Variants in TLR1 observed in about 807,000 individuals in gnomAD.
TLR1 encodes toll like receptor 1.
Under a neutral mutation model 20.2 loss-of-function variants are expected in TLR1, and 19 were observed. That is an observed-to-expected ratio of 0.94 (90% confidence interval 0.66 to 1.38). TLR1 has a LOEUF of 1.38. Ranked by LOEUF, TLR1 falls within the 40% of genes most tolerant of loss-of-function variation. The probability of loss-of-function intolerance (pLI) is 0.00; values close to 1 mark genes in which losing one functional copy is unlikely to be tolerated. For synonymous variants in TLR1, 320 were observed against 334.5 expected, an observed-to-expected ratio of 0.96 and a Z score of 0.47; for missense variants, 921 against 910.0, an observed-to-expected ratio of 1.01 and a Z score of -0.16.
rs755514578 is a variant in TLR1 at position 38,796,543 on chromosome 4, G to T, written c.2289C>A (p.Ser763Arg). ...RTYLEWPKEK[S>R]KRGLFWANLR... is the part of the protein sequence containing the mutation. ...AGTTAGCCCAAAAAAGGCCACGTTT[G>T]CTCTTTTCCTTGGGCCATTCCAAAT... Residue 763 changes from serine to arginine, a missense_variant, in exon 4 of 4, where the codon AGC becomes AGA. By Grantham distance (110) the Ser-to-Arg change is moderately radical. Transcript: ENST00000308979. The T allele has an allele frequency of 5.0e-6, 8 of 1,614,046 alleles. No homozygotes were observed. The highest frequency in any genetic ancestry group is 6.8e-6 in the Non-Finnish European group (8 of 1,180,036).
downstream of TLR1, among the ~76,000 whole-genome samples, chr4:38,793,708 T>C (rs1214550712): frequency 6.6e-6 from 1 of 152,168 alleles, no homozygotes; most frequent in Non-Finnish European, 1.5e-5. Flanking sequence ...GAATTCTTTT[T>C]CGGATTTACA....
At position 38,801,849 on chromosome 4, in the gene TLR1, C is replaced by A. The variant is rs190184314; in HGVS notation, c.-159-901G>T. Among the ~76,000 whole-genome samples the A allele has an allele frequency of 7.1e-3, 1,088 of 152,264 alleles. 8 individuals are homozygous for A. Among genetic ancestry groups the A allele is most frequent in the Non-Finnish European group, 0.011 (740 of 68,018 alleles). ...AGACATGAGCAGGACAGGAGAGGGG[C>A]CCCCCAACCAGGAATATCAGGTGAC... On this transcript the variant is annotated intron_variant, in intron 2 of 3. Transcript: ENST00000308979.
chr4:38,804,887 C>T (rs1336812681), upstream of TLR1: 4 of 152,146 alleles, frequency 2.6e-5, no homozygotes, highest in African/African-American at 7.2e-5. Flanking sequence ...TGCCACCTAC[C>T]GAATTCCACT....
downstream of TLR1, chr4:38,794,426 A>G (rs1426560524): frequency 6.6e-6 from 1 of 152,142 alleles, no homozygotes; most frequent in East Asian, 1.9e-4. Context: ...ATCCTTGACA[A>G]TATAGTCTTA....
chr4:38,797,638 C>T lies in TLR1; in HGVS notation c.1194G>A (p.Lys398=), dbSNP rs1408177283. Residue 398 remains lysine (K), a synonymous_variant, in exon 4 of 4, where the codon AAG becomes AAA. Coordinates refer to ENST00000308979, the MANE Select transcript of TLR1 (RefSeq NM_003263.4). ...SKIAEMTTQM[K]SLQQLDISQN... is the part of the protein sequence containing the mutation. ...GGCTAATATCCAATTGTTGCAGAGA[C>T]TTCATCTGTGTAGTCATTTCAGCTA... is the stretch of plus-strand genomic sequence containing the variant. 1 of 1,613,896 alleles carries T rather than the reference C, an allele frequency of 6.2e-7. No homozygotes were observed. The highest frequency in any genetic ancestry group is 8.5e-7 in the Non-Finnish European group (1 of 1,180,000).
chr4:38,802,448 A>G (rs548509265), intron 2 of TLR1, among the ~76,000 whole-genome samples: 1 of 152,346 alleles, frequency 6.6e-6, no homozygotes, highest in African/African-American at 2.4e-5. Context: ...AATGTCTCCA[A>G]TGAGCATGTA....
At position 38,796,493 on chromosome 4, in the gene TLR1, A is replaced by G. The variant is rs151285692; in HGVS notation, c.2339T>C (p.Leu780Pro). Reference protein sequence around the residue: ...ANLRAAINIKLTEQAKK With the variant: ...ANLRAAINIKPTEQAKK ...AATCTATTTCTTTGCTTGCTCTGTC[A>G]GCTTAATATTAATGGCTGCCCTTAA... The change falls in exon 4 of 4, where the codon CTG (leucine) becomes CCG (proline). Residue 780 changes from leucine (L) to proline (P), a missense_variant. By Grantham distance (98) the Leu-to-Pro change is moderately conservative. Coordinates refer to ENST00000308979, the MANE Select transcript of TLR1 (RefSeq NM_003263.4). 14 of 1,607,064 alleles carry G rather than the reference A, an allele frequency of 8.7e-6. No individual in the cohort carries two copies. Among genetic ancestry groups the G allele is most frequent in the Non-Finnish European group, 1.1e-5 (13 of 1,174,254 alleles).
rs1344236654 is a variant in TLR1, at chr4:38,796,770, C to T, written c.2062G>A (p.Glu688Lys). ...SIVENIITCI[E>K]KSYKSIFVLS... The stretch of plus-strand genomic sequence containing the variant: ...ACAAAGATGGACTTGTAACTCTTCT[C>T]AATGCAGGTGATGATATTTTCCACA... Residue 688 changes from glutamate to lysine, a missense_variant, in exon 4 of 4, where the codon GAG becomes AAG. Transcript: ENST00000308979. 6.2e-7 allele frequency: 1 copy of T among 1,614,220 alleles called. No homozygotes were observed.
Position 38,797,216 on chromosome 4 carries a change from A to G in TLR1, c.1616T>C (p.Ile539Thr), listed in dbSNP as rs1397899270. 1.2e-6 allele frequency: 2 copies of G among 1,614,248 alleles called. No homozygotes were observed. The highest frequency in any genetic ancestry group is 3.3e-5 in the Admixed American group (2 of 60,024). Reference protein sequence around the residue: ...TCELGEFVKNIDQVSSEVLEG... With the variant: ...TCELGEFVKNTDQVSSEVLEG... Reference sequence around the variant, plus strand: ...TAACACTTCACTTGATACTTGGTCTATATTTTTGACAAATTCTCCTAGCTC... The same window carrying G: ...TAACACTTCACTTGATACTTGGTCTGTATTTTTGACAAATTCTCCTAGCTC... Residue 539 changes from isoleucine (I) to threonine (T), a missense_variant, in exon 4 of 4, where the codon ATA becomes ACA. Coordinates refer to ENST00000308979, the MANE Select transcript of TLR1 (RefSeq NM_003263.4).
intron 2 of TLR1, among the ~76,000 whole-genome samples, chr4:38,802,526 A>G (rs1294429569): frequency 6.6e-6 from 1 of 152,242 alleles, no homozygotes; most frequent in African/African-American, 2.4e-5. Context: ...GCACATGCAG[A>G]CAGCCCACCC....
downstream of TLR1, chr4:38,796,191 G>C (rs1280278257): frequency 2.6e-5 from 10 of 391,750 alleles, no homozygotes; most frequent in East Asian, 4.1e-4. Flanking sequence ...AAGAAAAACA[G>C]GTGCTTCCCT....
chr4:38,792,595 T>A (rs187890903), downstream of TLR1, among the ~76,000 whole-genome samples: 29 of 152,174 alleles, frequency 1.9e-4, no homozygotes, highest in African/African-American at 2.6e-4. Flanking sequence ...TACATTTTTT[T>A]AAAAATTGTA....
In TLR1 at chr4:38,796,635, G is replaced by A; in HGVS notation, c.2197C>T (p.Pro733Ser). Residue 733 changes from proline (P) to serine (S), a missense_variant, in exon 4 of 4, where the codon CCC becomes TCC. Coordinates refer to ENST00000308979, the MANE Select transcript of TLR1 (RefSeq NM_003263.4). ...CTAGGAATGGAGTACTGCGGAATGGGTTCCAGCAAGATCAGGATTAAGCTA... is the reference window on the plus strand; with the variant it reads ...CTAGGAATGGAGTACTGCGGAATGGATTCCAGCAAGATCAGGATTAAGCTA... ...SNSLILILLE[P>S]IPQYSIPSSY... The A allele has an allele frequency of 6.2e-7, 1 of 1,614,184 alleles. No individual in the cohort carries two copies. The highest frequency in any genetic ancestry group is 8.5e-7 in the Non-Finnish European group (1 of 1,180,040).
chr4:38,797,744 G>A lies in TLR1; in HGVS notation c.1088C>T (p.Thr363Met), dbSNP rs184548723. 5.8e-5 allele frequency: 93 copies of A among 1,613,952 alleles called. No homozygotes were observed. Among genetic ancestry groups the A allele is most frequent in the Middle Eastern group, 1.6e-4 (1 of 6,062 alleles). Reference protein sequence around the residue: ...LDFSNNLLTDTVFENCGHLTE... With the variant: ...LDFSNNLLTDMVFENCGHLTE... The stretch of plus-strand genomic sequence containing the variant: ...AAGGTGCCCACAATTTTCAAAAACC[G>A]TGTCTGTTAAGAGATTATTGGAAAA... Residue 363 changes from threonine (T) to methionine (M), a missense_variant, in exon 4 of 4, where the codon ACG becomes ATG. Physicochemically the swap from Thr to Met is moderately conservative, Grantham distance 81. Transcript: ENST00000308979.
At position 38,797,251 on chromosome 4, in the gene TLR1, T is replaced by C; in HGVS notation, c.1581A>G (p.Gln527=). Residue 527 remains glutamine, a synonymous_variant, in exon 4 of 4, where the codon CAA becomes CAG. Coordinates refer to ENST00000308979, the MANE Select transcript of TLR1 (RefSeq NM_003263.4). ...CAAATTCTCCTAGCTCACAGGTACATTGGAATGGATTGTCCCCTGCTTTTA... is the reference window on the plus strand; with the variant it reads ...CAAATTCTCCTAGCTCACAGGTACACTGGAATGGATTGTCCCCTGCTTTTA... ...RSIKAGDNPF[Q]CTCELGEFVK... The C allele has an allele frequency of 6.2e-7, 1 of 1,614,202 alleles. No homozygotes were observed. The highest frequency in any genetic ancestry group is 8.5e-7 in the Non-Finnish European group (1 of 1,180,022).
chr4:38,796,690 G>A lies in TLR1; in HGVS notation c.2142C>T (p.Ala714=). The A allele has an allele frequency of 5.0e-6, 8 of 1,614,156 alleles. No homozygotes were observed. The highest frequency in any genetic ancestry group is 6.8e-6 in the Non-Finnish European group (8 of 1,180,038). Residue 714 remains alanine, a synonymous_variant, in exon 4 of 4, where the codon GCC becomes GCT. Transcript: ENST00000308979. ...ATCCTTCATGAAAGAGATTGTGATG[G>A]GCAAAGTAGAGTTCATAATGGCACC... ...SEWCHYELYF[A]HHNLFHEGSN...
At chr4:38,794,701 C>T (rs1725921059), downstream of TLR1, 1 of 148,854 alleles carries the variant, frequency 6.7e-6, no homozygotes, top group Non-Finnish European at 1.5e-5. Flanking sequence ...AACCTCTGAA[C>T]TTCCATTTTA....
At chr4:38,805,119 G>C (rs183519767), upstream of TLR1, 1 of 152,388 alleles carries the variant, frequency 6.6e-6, no homozygotes, top group African/African-American at 2.4e-5. Flanking sequence ...TACCGTGGTG[G>C]CTATGCTTGG....
In TLR1 at chr4:38,797,914, T is replaced by C. The variant is rs1181751593; in HGVS notation, c.918A>G (p.Gln306=). 6.2e-7 allele frequency: 1 copy of C among 1,614,122 alleles called. No homozygotes were observed. The highest frequency in any genetic ancestry group is 1.1e-5 in the South Asian group (1 of 91,076). Residue 306 remains glutamine, a synonymous_variant, in exon 4 of 4, where the codon CAA becomes CAG. Coordinates refer to ENST00000308979, the MANE Select transcript of TLR1 (RefSeq NM_003263.4). ...GAAAACCGAACACATCGCTGACAAC[T>C]TGGTGTATAGACAAGGCCTTCAAGG... ...GTSLKALSIH[Q]VVSDVFGFPQ...
Sources: allele counts gnomAD v4.1 joint callset (sites outside exome capture counted in the v4.1 genomes callset), GRCh38; gene constraint gnomAD v4.1.1; transcripts MANE v1.5; gene names NCBI Gene and HGNC (gene_info 2026-07-23, HGNC 2026-07-21).